The following TMEM191C variants were observed in gnomAD, a reference collection of about 807,000 sequenced individuals.
TMEM191C encodes transmembrane protein 191C.
TMEM191C carries 26 observed loss-of-function variants against 37.1 expected under a neutral mutation model. The ratio of observed to expected loss-of-function variants is 0.70; its 90% confidence interval spans 0.51 to 0.97. The LOEUF is 0.97. Ranked by LOEUF, TMEM191C falls within the 50% of genes least tolerant of loss-of-function variation. TMEM191C has a pLI of 0.00. For synonymous variants in TMEM191C, 115 were observed against 143.7 expected (o/e 0.80, Z 1.43); for missense variants, 240 against 294.7 (o/e 0.81, Z 1.36).
At position 21,467,392 on chromosome 22, in the gene TMEM191C, T is replaced by C. The variant is rs1165131016; in HGVS notation, c.-68T>C. The C allele has an allele frequency of 2.2e-5, 10 of 459,390 alleles. No homozygotes were observed. Among genetic ancestry groups the C allele is most frequent in the South Asian group, 4.3e-5 (2 of 46,676 alleles). 28.5% of individuals were successfully genotyped at this position (459,390 alleles called of 1,614,324 possible). A position where few individuals can be genotyped will look rare whatever the true frequency, so the allele number is the denominator to read the frequency against. ...CCCGCTAGGCGCTCCCTGCCGCCCATTGTGACGCCTGCCAGCCGCAGGCTG... is the reference window on the plus strand; with the variant it reads ...CCCGCTAGGCGCTCCCTGCCGCCCACTGTGACGCCTGCCAGCCGCAGGCTG... On this transcript the variant is annotated 5_prime_UTR_variant, in exon 1 of 10. Transcript: ENST00000536718.
chr22:21,468,148 G>C lies in TMEM191C; in HGVS notation c.280-4G>C, dbSNP rs1180413526. 39 of 1,507,834 alleles carry C rather than the reference G, an allele frequency of 2.6e-5. No individual in the cohort carries two copies. Among genetic ancestry groups the C allele is most frequent in the Middle Eastern group, 2.3e-4 (1 of 4,336 alleles). 93.4% of individuals were successfully genotyped at this position (1,507,834 alleles called of 1,614,324 possible). A position where few individuals can be genotyped will look rare whatever the true frequency, so the allele number is the denominator to read the frequency against. On this transcript the variant is annotated splice_polypyrimidine_tract_variant and splice_region_variant and intron_variant, in intron 2 of 9. Transcript: ENST00000536718. ...TCGGCACCGCCCCAGGACCCCGTCC[G>C]CAGGAGCAGCACAGCAGGCAGCTGC...
chr22:21,467,532 C>G lies in TMEM191C; in HGVS notation c.73C>G (p.Leu25Val). ...NRDGRQRKQE[L>V]EKLMRGLEAE... ...AGATGGTCGCCAGCGGAAGCAGGAG[C>G]TAGAGAAGCTGATGCGCGGGCTCGA... is the stretch of plus-strand genomic sequence containing the variant. Residue 25 changes from leucine to valine, a missense_variant, in exon 1 of 10, where the codon CTA becomes GTA. By Grantham distance (32) the Leu-to-Val change is conservative (BLOSUM62 1). Coordinates refer to ENST00000536718, the MANE Select transcript of TMEM191C (RefSeq NM_001388354.1). 1.6e-6 allele frequency: 2 copies of G among 1,273,278 alleles called. No individual in the cohort carries two copies. The highest frequency in any genetic ancestry group is 1.1e-6 in the Non-Finnish European group (1 of 940,310). The allele number at this position is 1,273,278 out of a possible 1,614,324, so 78.9% of individuals were successfully genotyped here. A position where few individuals can be genotyped will look rare whatever the true frequency, so the allele number is the denominator to read the frequency against.
rs1209576156 is a variant in TMEM191C at position 21,468,341 on chromosome 22, G to T, written c.331-13G>T. 6.5e-7 allele frequency: 1 copy of T among 1,535,434 alleles called. No homozygotes were observed. The highest frequency in any genetic ancestry group is 1.4e-5 in the African/African-American group (1 of 73,106). ...AGCCCGGTAAACCCCGCCCTTACAAGCCCCGCCCCTAGCTCTTCTACTACG... is the reference window on the plus strand; with the variant it reads ...AGCCCGGTAAACCCCGCCCTTACAATCCCCGCCCCTAGCTCTTCTACTACG... On this transcript the variant is annotated splice_polypyrimidine_tract_variant and intron_variant, in intron 3 of 9. Transcript: ENST00000536718.
chr22:21,469,428 C>T, intron 8 of TMEM191C, 66 bp from the exon 9 acceptor site: 3 of 1,322,538 alleles, frequency 2.3e-6, no homozygotes, highest in Non-Finnish European at 2.9e-6. Context: ...GCCTCCCCCT[C>T]CTCCTGGAAA....
In TMEM191C at chr22:21,467,586, C is replaced by A. The variant is rs757781524; in HGVS notation, c.127C>A (p.Leu43Met). Residue 43 changes from leucine (L) to methionine (M), a missense_variant, in exon 1 of 10, where the codon CTG (leucine) becomes ATG (methionine). Leu to Met is a conservative substitution (Grantham distance 15). Transcript: ENST00000536718. The stretch of plus-strand genomic sequence containing the variant: ...CGAGAGCGAGAGCCTCAACCAGCGC[C>A]TGCAGGACCTGAGCGAGCGGGAGCG... ...EAESESLNQR[L>M]QDLSERERSL... 5 of 1,530,198 alleles carry A rather than the reference C, an allele frequency of 3.3e-6. No homozygotes were observed. In the South Asian group the frequency reaches 4.8e-5, roughly 15 times the overall value. The allele number at this position is 1,530,198 out of a possible 1,614,324, so 94.8% of individuals were successfully genotyped here. A position where few individuals can be genotyped will look rare whatever the true frequency, so the allele number is the denominator to read the frequency against.
intron 3 of TMEM191C, 69 bp downstream of exon 3, chr22:21,468,271 T>C (rs1005459327): frequency 2.3e-5 from 35 of 1,534,252 alleles, no homozygotes; most frequent in African/African-American, 4.1e-5. Context: ...TCCTCGCCCT[T>C]GTTGCCTCCC....
chr22:21,468,039 G>T, intron 2 of TMEM191C, 22 bp downstream of exon 2: 1 of 645,812 alleles, frequency 1.5e-6, no homozygotes, highest in South Asian at 1.5e-5. Flanking sequence ...TCCTGGAATG[G>T]GGCTGGACCC....
chr22:21,469,393 C>T (rs1924656136), intron 8 of TMEM191C, 47 bp downstream of exon 8: 22 of 1,295,740 alleles, frequency 1.7e-5, no homozygotes, highest in East Asian at 3.2e-5. Flanking sequence ...AGCGGGACAA[C>T]CCTCCCCGTC....
rs1482528137 is a variant in TMEM191C at position 21,468,026 on chromosome 22, G to C, written c.279+9G>C. On this transcript the variant is annotated intron_variant, in intron 2 of 9. Coordinates refer to ENST00000536718, the MANE Select transcript of TMEM191C (RefSeq NM_001388354.1). ...GCCACAAGGAGTACTTGGTGAGGAA[G>C]AGTCCTGGAATGGGGCTGGACCCAG... is the stretch of plus-strand genomic sequence containing the variant. The C allele has an allele frequency of 3.3e-5, 18 of 539,096 alleles. No individual in the cohort carries two copies. Among genetic ancestry groups the C allele is most frequent in the Admixed American group, 2.6e-4 (8 of 30,232 alleles). 33.4% of individuals were successfully genotyped at this position (539,096 alleles called of 1,614,324 possible).
rs1389022333 is a variant in TMEM191C, at chr22:21,468,404, A to C, written c.381A>C (p.Gln127His). Residue 127 changes from glutamine to histidine, a missense_variant, in exon 4 of 10, where the codon CAA becomes CAC. By Grantham distance (24) the Gln-to-His change is conservative (BLOSUM62 0). Coordinates refer to ENST00000536718, the MANE Select transcript of TMEM191C (RefSeq NM_001388354.1). ...AGAGCCAGAAGAGCACGGAGCAGCA[A>C]CTCGCAGCCCAATTGGTGACGCTGC... The part of the protein sequence containing the change: ...ELQSQKSTEQ[Q>H]LAAQLVTLQN... 1 of 1,533,054 alleles carries C rather than the reference A, an allele frequency of 6.5e-7. No individual in the cohort carries two copies. Among genetic ancestry groups the C allele is most frequent in the Non-Finnish European group, 8.7e-7 (1 of 1,146,312 alleles). 95.0% of individuals were successfully genotyped at this position (1,533,054 alleles called of 1,614,324 possible).
intron 1 of TMEM191C, 76 bp downstream of exon 1, chr22:21,467,690 A>C: frequency 3.2e-6 from 2 of 627,906 alleles, no homozygotes; most frequent in Non-Finnish European, 5.5e-6. Context: ...GGTGCTTCGC[A>C]GAGTACCAGG....
chr22:21,467,628 G>T lies in TMEM191C; in HGVS notation c.155+14G>T. 2 of 1,529,574 alleles carry T rather than the reference G, an allele frequency of 1.3e-6. No individual in the cohort carries two copies. The highest frequency in any genetic ancestry group is 8.7e-7 in the Non-Finnish European group (1 of 1,144,866). The allele number at this position is 1,529,574 out of a possible 1,614,324, so 94.8% of individuals were successfully genotyped here. ...GCGGGAGCGGAGGTGCGCGGGGAAC[G>T]CCCCTCTACCTGGCGGGCGCGCGAG... On this transcript the variant is annotated intron_variant, in intron 1 of 9. Coordinates refer to ENST00000536718, the MANE Select transcript of TMEM191C (RefSeq NM_001388354.1).
rs1924609382 is a variant in TMEM191C at position 21,468,365 on chromosome 22, C to T, written c.342C>T (p.Tyr114=). The change falls in exon 4 of 10, where the codon TAC becomes TAT. Residue 114 remains tyrosine, a synonymous_variant. Transcript: ENST00000536718. ...WEELSSQLFY[Y]GGELQSQKST... is the part of the protein sequence containing the mutation. The stretch of plus-strand genomic sequence containing the variant: ...AGCCCCGCCCCTAGCTCTTCTACTA[C>T]GGAGGGGAACTGCAGAGCCAGAAGA... 6.5e-7 allele frequency: 1 copy of T among 1,535,182 alleles called. No homozygotes were observed. Among genetic ancestry groups the T allele is most frequent in the African/African-American group, 1.4e-5 (1 of 72,958 alleles).
chr22:21,469,595 C>G, intron 9 of TMEM191C, 22 bp from the exon 10 acceptor site: 3 of 1,477,008 alleles, frequency 2.0e-6, no homozygotes, highest in Non-Finnish European at 2.7e-6. Flanking sequence ...TGCCGCCCAC[C>G]TGCCCGCCTT....
chr22:21,467,471 G>A lies in TMEM191C; in HGVS notation c.12G>A (p.Thr4=). 2.2e-6 allele frequency: 1 copy of A among 459,956 alleles called. No homozygotes were observed. The highest frequency in any genetic ancestry group is 2.0e-5 in the South Asian group (1 of 49,422). 28.5% of individuals were successfully genotyped at this position (459,956 alleles called of 1,614,324 possible). A position where few individuals can be genotyped will look rare whatever the true frequency, so the allele number is the denominator to read the frequency against. MAA[T]QELLLQLQKD... ...CGGTCTCCACAGCCATGGCCGCGAC[G>A]CAGGAGCTGCTGCTGCAGTTGCAGA... is the stretch of plus-strand genomic sequence containing the variant. The change falls in exon 1 of 10, where the codon ACG becomes ACA. Residue 4 remains threonine, a synonymous_variant. Transcript: ENST00000536718.
At chr22:21,468,644 C>T in intron 4 of TMEM191C, 135 bp from the exon 5 acceptor site, 4 of 1,406,688 alleles carry the variant, frequency 2.8e-6, no homozygotes, top group East Asian at 2.5e-5. Context: ...TGGGGCGTTG[C>T]TTACGACTGG....
At position 21,469,816 on chromosome 22, in the gene TMEM191C, A is replaced by C; in HGVS notation, c.904A>C (p.Thr302Pro). 1.3e-6 allele frequency: 2 copies of C among 1,532,240 alleles called. No homozygotes were observed. The highest frequency in any genetic ancestry group is 1.7e-6 in the Non-Finnish European group (2 of 1,146,246). The allele number at this position is 1,532,240 out of a possible 1,614,324, so 94.9% of individuals were successfully genotyped here. Residue 302 changes from threonine to proline, a missense_variant, in exon 10 of 10, where the codon ACC becomes CCC. This residue lies in a region of TMEM191C where 76 missense variants were observed against 100.0 expected (regional missense o/e 0.76). Coordinates refer to ENST00000536718, the MANE Select transcript of TMEM191C (RefSeq NM_001388354.1). Reference protein sequence around the residue: ...LELRANGLLPT With the variant: ...LELRANGLLPP ...GCTGCGCGCTAACGGGCTTCTGCCA[A>C]CCTAAGTGCAGCGCCCCGCGCCTGG...
Position 21,467,673 on chromosome 22 carries a change from G to A in TMEM191C, c.155+59G>A, listed in dbSNP as rs1924571015. ...CGCGAGGGTCGGTCCCGCAGGCAGC[G>A]CCGCGAGGTGCTTCGCAGAGTACCA... On this transcript the variant is annotated intron_variant, in intron 1 of 9. Transcript: ENST00000536718. The A allele has an allele frequency of 1.6e-5, 18 of 1,149,110 alleles. No individual in the cohort carries two copies. The South Asian group carries it at 2.2e-4, about 14-fold the overall frequency. 71.2% of individuals were successfully genotyped at this position (1,149,110 alleles called of 1,614,324 possible).
rs756364046 is a variant in TMEM191C, at chr22:21,468,356, C to T, written c.333C>T (p.Leu111=). ...GCCCTTACAAGCCCCGCCCCTAGCTCTTCTACTACGGAGGGGAACTGCAGA... is the reference window on the plus strand; with the variant it reads ...GCCCTTACAAGCCCCGCCCCTAGCTTTTCTACTACGGAGGGGAACTGCAGA... The part of the protein sequence containing the change: ...QEQWEELSSQ[L]FYYGGELQSQ... The change falls in exon 4 of 10, where the codon CTC becomes CTT. Residue 111 remains leucine, a splice_region_variant and synonymous_variant. Coordinates refer to ENST00000536718, the MANE Select transcript of TMEM191C (RefSeq NM_001388354.1). The T allele has an allele frequency of 5.3e-5, 82 of 1,535,444 alleles. 1 individual carries two copies. The South Asian group carries it at 9.5e-4, about 18-fold the overall frequency.
Sources: gnomAD v4.1 joint callset for allele counts on GRCh38, gnomAD v4.1.1 for gene constraint, gnomAD v4.1.1 regional missense constraint, MANE v1.5 for transcripts, NCBI Gene and HGNC (gene_info 2026-07-23, HGNC 2026-07-21) for gene names.